Variants in LRBA observed in about 807,000 individuals in gnomAD.
The protein encoded by LRBA is LPS responsive beige-like anchor protein, also known as lipopolysaccharide-responsive and beige-like anchor protein.
In LRBA, 176 loss-of-function variants were observed where a neutral mutation model predicts 330.0. The observed-to-expected ratio is 0.53, with a 90% confidence interval of 0.47 to 0.60. The LOEUF (loss-of-function observed/expected upper bound fraction) is 0.60, where lower values mean the gene tolerates loss of function less well. LRBA is among the 20% of genes least tolerant of loss of function. The probability of loss-of-function intolerance (pLI) is 0.00; values close to 1 mark genes in which losing one functional copy is unlikely to be tolerated. For missense variants in LRBA, 3,259 were observed against 3,444.8 expected (o/e 0.95, Z 1.35); for synonymous variants, 1,230 against 1,193.0 (o/e 1.03, Z -0.64).
chr4:150,522,908 T>A (rs1763076884), intron 40 of LRBA, among the ~76,000 whole-genome samples: 1 of 152,108 alleles, frequency 6.6e-6, no homozygotes, highest in Admixed American at 6.5e-5. Context: ...CAATGCCTAG[T>A]AGAGCCATGG....
intron 47 of LRBA, among the ~76,000 whole-genome samples, chr4:150,367,910 T>G (rs1280305457): frequency 2.0e-5 from 3 of 152,172 alleles, no homozygotes; most frequent in African/African-American, 7.2e-5. Context: ...CATTTAAGAT[T>G]GTCAATATAA....
intron 37 of LRBA, among the ~76,000 whole-genome samples, chr4:150,661,004 C>T (rs2126823086): frequency 8.2e-6 from 1 of 122,078 alleles, no homozygotes; most frequent in East Asian, 2.3e-4. Flanking sequence ...GACCTTCCCT[C>T]CACTATTGTC....
intron 42 of LRBA, among the ~76,000 whole-genome samples, chr4:150,473,479 C>A (rs756566284): frequency 6.6e-6 from 1 of 152,130 alleles, no homozygotes; most frequent in Admixed American, 6.6e-5. Context: ...CTTAGTAATG[C>A]GGACTGCTCT....
At chr4:150,386,061 A>C (rs17504366) in intron 47 of LRBA, among the ~76,000 whole-genome samples, 1 of 151,804 alleles carries the variant, frequency 6.6e-6, no homozygotes, top group Non-Finnish European at 1.5e-5. Flanking sequence ...AGGTGCAATC[A>C]ACTAAAATTT....
chr4:150,914,175 CA>C lies in LRBA; in HGVS notation c.1161+19del, dbSNP rs764952040. 2.5e-6 allele frequency: 4 copies of C among 1,583,986 alleles called. No homozygotes were observed. The highest frequency in any genetic ancestry group is 3.4e-6 in the Non-Finnish European group (4 of 1,162,910). The stretch of plus-strand genomic sequence containing the variant: ...AAGCTGAACTAACATTGGTTAAGCA[CA>C]AAACAGTAAGCAAACTACCTTGTAT... On this transcript the variant is annotated intron_variant, in intron 9 of 56. Transcript: ENST00000651943.
chr4:150,697,867 G>C (rs1359406913), intron 36 of LRBA, among the ~76,000 whole-genome samples: 1 of 151,672 alleles, frequency 6.6e-6, no homozygotes, highest in Admixed American at 6.6e-5. Flanking sequence ...TGATGCCTTT[G>C]ATGACATTGC....
At chr4:150,300,062 C>T (rs1729466312) in intron 53 of LRBA, among the ~76,000 whole-genome samples, 1 of 152,070 alleles carries the variant, frequency 6.6e-6, no homozygotes, top group Admixed American at 6.6e-5. Context: ...AAACAGTTTA[C>T]ACACGGTAAC....
intron 37 of LRBA, among the ~76,000 whole-genome samples, chr4:150,612,717 A>G (rs2126584773): frequency 6.6e-6 from 1 of 152,310 alleles, no homozygotes; most frequent in East Asian, 1.9e-4. Flanking sequence ...GAGGTGCCTT[A>G]AGAAATACTC....
intron 36 of LRBA, among the ~76,000 whole-genome samples, chr4:150,732,812 C>A (rs1387307151): frequency 6.6e-6 from 1 of 151,940 alleles, no homozygotes; most frequent in Non-Finnish European, 1.5e-5. Context: ...CACACATATG[C>A]CCAAGTTCTA....
At chr4:150,930,133 G>A (rs918630436) in intron 2 of LRBA, among the ~76,000 whole-genome samples, 3 of 151,882 alleles carry the variant, frequency 2.0e-5, no homozygotes, top group Non-Finnish European at 4.4e-5. Flanking sequence ...TGGCCAACAC[G>A]GTGAAACCCC....
chr4:150,823,278 T>C (rs1052677315), intron 30 of LRBA, among the ~76,000 whole-genome samples: 1 of 152,182 alleles, frequency 6.6e-6, no homozygotes, highest in Admixed American at 6.5e-5. Flanking sequence ...GTTTAAAATG[T>C]AGTAATATTT....
chr4:150,657,396 A>G (rs1260187563), intron 37 of LRBA, among the ~76,000 whole-genome samples: 8 of 152,140 alleles, frequency 5.3e-5, no homozygotes. Flanking sequence ...CTTGTTTCTT[A>G]CATGTGTAAG....
chr4:150,980,653 G>C (rs1740728615), intron 2 of LRBA, among the ~76,000 whole-genome samples: 1 of 151,286 alleles, frequency 6.6e-6, no homozygotes, highest in Non-Finnish European at 1.5e-5. Context: ...GAAAAGGAAG[G>C]GGAAGGGGAA....
chr4:150,581,070 T>G (rs1771260090), intron 40 of LRBA: 1 of 157,360 alleles, frequency 6.4e-6, no homozygotes, highest in Non-Finnish European at 1.4e-5. Context: ...TGAAGCAATT[T>G]TAGTAGCTTA....
rs2126909134 is a variant in LRBA, at chr4:150,849,562, T to C, written c.4018A>G (p.Thr1340Ala). 1 of 1,611,406 alleles carries C rather than the reference T, an allele frequency of 6.2e-7. No individual in the cohort carries two copies. The highest frequency in any genetic ancestry group is 2.2e-5 in the East Asian group (1 of 44,766). Reference protein sequence around the residue: ...IQMWRSHSTKTVMDFVNSSDN... With the variant: ...IQMWRSHSTKAVMDFVNSSDN... ...CTGCTATTCACGAAGTCCATAACTGTCTTTGTTGAATGGCTGTCCAAAGAT... is the reference window on the plus strand; with the variant it reads ...CTGCTATTCACGAAGTCCATAACTGCCTTTGTTGAATGGCTGTCCAAAGAT... Residue 1340 changes from threonine (T) to alanine (A), a missense_variant, in exon 25 of 57, where the codon ACA (threonine) becomes GCA (alanine). Transcript: ENST00000651943.
intron 2 of LRBA, among the ~76,000 whole-genome samples, chr4:150,949,596 T>C (rs1736608157): frequency 6.6e-6 from 1 of 152,198 alleles, no homozygotes. Flanking sequence ...AATCAGCAAT[T>C]ATCTCAAAAT....
At chr4:151,001,634 C>T (rs1030175633) in intron 2 of LRBA, among the ~76,000 whole-genome samples, 15 of 152,110 alleles carry the variant, frequency 9.9e-5, no homozygotes, top group African/African-American at 1.4e-4. Context: ...ATCACACCCA[C>T]CGCCAATATA....
At chr4:150,412,872 A>G (rs962045554) in intron 47 of LRBA, among the ~76,000 whole-genome samples, 3 of 151,274 alleles carry the variant, frequency 2.0e-5, no homozygotes, top group African/African-American at 7.3e-5. Flanking sequence ...AATATCTAAT[A>G]TTTAGTTAAA....
In LRBA at chr4:150,532,329, C is replaced by A. The variant is rs1323307868; in HGVS notation, c.6331-41294G>T. 3.9e-5 allele frequency among the ~76,000 whole-genome samples: 6 copies of A among 152,118 alleles called. No homozygotes were observed. In the East Asian group the frequency reaches 7.7e-4, roughly 20 times the overall value. ...CACATTAAAATATATTCCAAAAGTGCAATCTGTTTTACAGGAGAATTTGTG... is the reference window on the plus strand; with the variant it reads ...CACATTAAAATATATTCCAAAAGTGAAATCTGTTTTACAGGAGAATTTGTG... On this transcript the variant is annotated intron_variant, in intron 40 of 56. Transcript: ENST00000651943.
Sources: allele counts gnomAD v4.1 joint callset (sites outside exome capture counted in the v4.1 genomes callset), GRCh38; gene constraint gnomAD v4.1.1; transcripts MANE v1.5; gene names NCBI Gene and HGNC (gene_info 2026-07-23, HGNC 2026-07-21).